GYG2: variants seen among roughly 807,000 people sequenced by gnomAD.
GYG2 encodes the protein glycogenin-2.
A neutral mutation model predicts 29.4 loss-of-function variants in GYG2; 29 were observed. The observed-to-expected ratio is 0.99, with a 90% CI of 0.74 to 1.35. The LOEUF (loss-of-function observed/expected upper bound fraction) is 1.35. Among genes scored for constraint, GYG2 ranks in the 40% most tolerant of loss-of-function variants. The probability of loss-of-function intolerance (pLI) is 0.00; values close to 1 mark genes in which losing one functional copy is unlikely to be tolerated. For synonymous variants in GYG2, 167 were observed against 172.3 expected (o/e 0.97, Z 0.24); for missense variants, 370 against 385.7 (o/e 0.96, Z 0.34).
At chrX:2,864,764 CTTT>C (rs1182873326) in intron 8 of GYG2, among the ~76,000 whole-genome samples, 1 of 96,738 alleles carries the variant, frequency 1.0e-5, no homozygotes. Flanking sequence ...CTTTTTCTTT[CTTT>C]TTTTTTTTTT....
At chrX:2,875,665 A>C in intron 8 of GYG2, 145 bp from the exon 9 acceptor site, 2 of 456,699 alleles carry the variant, frequency 4.4e-6, no homozygotes, top group Non-Finnish European at 7.7e-6. Flanking sequence ...ATTGGTGAGC[A>C]TATCACCTTG....
At chrX:2,851,075 T>C (rs1310501432) in intron 3 of GYG2, among the ~76,000 whole-genome samples, 2 of 112,331 alleles carry the variant, frequency 1.8e-5, no homozygotes, top group African/African-American at 6.5e-5. Flanking sequence ...AAGATAGGCT[T>C]TCTGAATGGG....
At position 2,875,865 on chromosome X, in the gene GYG2, C is replaced by A; in HGVS notation, c.1094C>A (p.Ser365Tyr). 1 of 1,192,213 alleles carries A rather than the reference C, an allele frequency of 8.4e-7. No individual in the cohort carries two copies. ...TPAVITCDPL[S>Y]QPSPQPADFT... Reference sequence around the variant, plus strand: ...GCCGTGATAACGTGTGACCCACTGTCCCAGCCTTCCCCTCAGCCTGCAGAC... The same window carrying A: ...GCCGTGATAACGTGTGACCCACTGTACCAGCCTTCCCCTCAGCCTGCAGAC... Residue 365 changes from serine to tyrosine, a missense_variant, in exon 9 of 11, where the codon TCC becomes TAC. Transcript: ENST00000398806.
At chrX:2,832,814 C>T (rs925290322) in intron 2 of GYG2, among the ~76,000 whole-genome samples, 6 of 112,200 alleles carry the variant, frequency 5.3e-5, no homozygotes, top group Non-Finnish European at 1.1e-4. Flanking sequence ...GGATTACAGG[C>T]GTGAGCCACC....
intron 10 of GYG2, 85 bp from the exon 11 acceptor site, chrX:2,880,967 G>A: frequency 3.6e-6 from 3 of 832,401 alleles, no homozygotes; most frequent in Non-Finnish European, 5.2e-6. Flanking sequence ...CTTTCTGCGG[G>A]ACCCTACACT....
intron 3 of GYG2, 149 bp from the exon 4 acceptor site, chrX:2,853,831 T>C: frequency 2.2e-6 from 1 of 456,261 alleles, no homozygotes; most frequent in Non-Finnish European, 3.8e-6. Context: ...GGAAATGTGC[T>C]CTGAACATGG....
At chrX:2,844,395 C>G (rs2087574128) in intron 3 of GYG2, among the ~76,000 whole-genome samples, 1 of 111,362 alleles carries the variant, frequency 9.0e-6, no homozygotes, top group Non-Finnish European at 1.9e-5. Flanking sequence ...ACAGCAACTA[C>G]AGTGGTACAA....
Position 2,881,150 on chromosome X carries a change from C to A in GYG2, c.1350C>A (p.Ile450=). Reference sequence around the variant, plus strand: ...GGAGGAAGTGGGAGGAAGGCCGTATCGACTACATGGGGAAGGACGCGTTTG... The same window carrying A: ...GGAGGAAGTGGGAGGAAGGCCGTATAGACTACATGGGGAAGGACGCGTTTG... ...EERRKWEEGR[I]DYMGKDAFAR... is the part of the protein sequence containing the mutation. The change falls in exon 11 of 11, where the codon ATC becomes ATA. Residue 450 remains isoleucine, a synonymous_variant. Transcript: ENST00000398806. The A allele has an allele frequency of 8.3e-7, 1 of 1,206,661 alleles. No individual in the cohort carries two copies. The highest frequency in any genetic ancestry group is 1.8e-5 in the South Asian group (1 of 55,962).
chrX:2,882,816 A>G lies in GYG2; in HGVS notation c.*1603A>G, dbSNP rs1398380995. ...CACGTTGAAATTAAAATGTTAAAAAACAGCCATGTGGCCTCCTTCCAGTGT... is the reference window on the plus strand; with the variant it reads ...CACGTTGAAATTAAAATGTTAAAAAGCAGCCATGTGGCCTCCTTCCAGTGT... On this transcript the variant is annotated 3_prime_UTR_variant, in exon 11 of 11. Transcript: ENST00000398806. The G allele has an allele frequency of 1.8e-5, 2 of 110,719 alleles. No homozygotes were observed. The highest frequency in any genetic ancestry group is 6.6e-5 in the African/African-American group (2 of 30,408). 9.1% of individuals were successfully genotyped at this position (110,719 alleles called of 1,213,427 possible). A position where few individuals can be genotyped will look rare whatever the true frequency, so the allele number is the denominator to read the frequency against.
intron 3 of GYG2, among the ~76,000 whole-genome samples, chrX:2,847,018 A>G (rs1451459849): frequency 1.8e-5 from 2 of 112,168 alleles, no homozygotes; most frequent in East Asian, 5.6e-4. Context: ...CTTATCTTGT[A>G]GAAAGGCCCT....
At chrX:2,841,281 G>A (rs1376487677) in intron 2 of GYG2, among the ~76,000 whole-genome samples, 6 of 108,553 alleles carry the variant, frequency 5.5e-5, no homozygotes, top group Non-Finnish European at 1.9e-5. Context: ...GCAGAGAATT[G>A]GTAGATCATA....
chrX:2,876,032 CCTTTTT>C, intron 9 of GYG2, 118 bp downstream of exon 9: 1 of 241,398 alleles, frequency 4.1e-6, no homozygotes, highest in Non-Finnish European at 6.7e-6. Flanking sequence ...AAAATTCCTC[CCTTTTT>C]TTTTTTTTTT....
intron 2 of GYG2, among the ~76,000 whole-genome samples, chrX:2,831,772 A>G (rs764894333): frequency 8.1e-5 from 9 of 111,443 alleles, no homozygotes; most frequent in African/African-American, 2.6e-4. Context: ...TGCTAAGGTT[A>G]TTTTGGGGGG....
At chrX:2,868,761 G>A (rs780460793) in intron 8 of GYG2, among the ~76,000 whole-genome samples, 65 of 110,523 alleles carry the variant, frequency 5.9e-4, no homozygotes, top group Non-Finnish European at 1.2e-3. Context: ...TAGGTGCAGC[G>A]AACCACCATG....
rs146414289 is a variant in GYG2 at position 2,865,469 on chromosome X, C to T, written c.1038+3747C>T. Among the ~76,000 whole-genome samples, 346 of 111,634 alleles carry T rather than the reference C, an allele frequency of 3.1e-3. 3 individuals are homozygous for T. Among genetic ancestry groups the T allele is most frequent in the African/African-American group, 0.01 (309 of 30,734 alleles). On this transcript the variant is annotated intron_variant, in intron 8 of 10. Coordinates refer to ENST00000398806, the MANE Select transcript of GYG2 (RefSeq NM_001079855.2). ...ACTTTTACTTTGGATTCATAATTGT[C>T]GATGAGGTGGCAACTTAAACAATAG...
At chrX:2,870,494 C>T (rs1167509864) in intron 8 of GYG2, among the ~76,000 whole-genome samples, 2 of 111,722 alleles carry the variant, frequency 1.8e-5, no homozygotes, top group Non-Finnish European at 3.8e-5. Flanking sequence ...TGAGCCACCA[C>T]GCCCGGCCTC....
At position 2,862,656 on chromosome X, in the gene GYG2, A is replaced by G. The variant is rs780370828; in HGVS notation, c.1038+934A>G. ...GCCGAGTCTGCAGCACTTTGTCCCC[A>G]TCGAAGAAAAATGAAAATACACCTT... On this transcript the variant is annotated intron_variant, in intron 8 of 10. Transcript: ENST00000398806. Among the ~76,000 whole-genome samples, 4 of 111,841 alleles carry G rather than the reference A, an allele frequency of 3.6e-5. No homozygotes were observed. The South Asian group carries it at 1.5e-3, about 42-fold the overall frequency.
chrX:2,834,793 G>A (rs1302555706), intron 2 of GYG2, among the ~76,000 whole-genome samples: 5 of 112,158 alleles, frequency 4.5e-5, no homozygotes, highest in Non-Finnish European at 9.4e-5. Flanking sequence ...GCAGCTTATG[G>A]CATAGCACTG....
intron 8 of GYG2, among the ~76,000 whole-genome samples, chrX:2,875,369 T>G (rs1415934126): frequency 3.6e-5 from 4 of 111,271 alleles, no homozygotes; most frequent in Non-Finnish European, 7.5e-5. Context: ...GTCACCTGAT[T>G]TGTTCTCTGT....
Sources: gnomAD v4.1 joint callset for allele counts (sites outside exome capture counted in the v4.1 genomes callset) on GRCh38, gnomAD v4.1.1 for gene constraint, MANE v1.5 for transcripts, NCBI Gene and HGNC (gene_info 2026-07-23, HGNC 2026-07-21) for gene names.